The following AFAP1 variants were observed in gnomAD, a reference collection of about 807,000 sequenced individuals.
The protein encoded by AFAP1 is actin filament-associated protein 1.
Under a neutral mutation model 93.9 loss-of-function variants are expected in AFAP1, and 75 were observed. The ratio of observed to expected loss-of-function variants is 0.80; its 90% CI spans 0.66 to 0.97. AFAP1 has a LOEUF of 0.97. Among genes scored for constraint, AFAP1 ranks in the 50% least tolerant of loss-of-function variants. The pLI is 0.00. For synonymous variants in AFAP1, 517 were observed against 430.7 expected (o/e 1.20, Z -2.48); for missense variants, 1,201 against 1,050.8 (o/e 1.14, Z -1.98).
intron 1 of AFAP1, among the ~76,000 whole-genome samples, chr4:7,885,948 C>T (rs1336623350): frequency 6.6e-6 from 1 of 152,150 alleles, no homozygotes; most frequent in Admixed American, 6.5e-5. Context: ...GAGCATGGTC[C>T]TTGCATATTT....
At chr4:7,766,272 T>C (rs372849795) in intron 17 of AFAP1, among the ~76,000 whole-genome samples, 1 of 152,070 alleles carries the variant, frequency 6.6e-6, no homozygotes, top group Admixed American at 6.5e-5. Flanking sequence ...ATGTGGGCCG[T>C]TGTAAGCAGA....
At chr4:7,889,589 A>G (rs909968428) in intron 1 of AFAP1, among the ~76,000 whole-genome samples, 6 of 151,196 alleles carry the variant, frequency 4.0e-5, no homozygotes, top group Non-Finnish European at 8.8e-5. Context: ...TATAAAAACT[A>G]AAGTTTTTCA....
intron 17 of AFAP1, among the ~76,000 whole-genome samples, chr4:7,768,401 T>G (rs1382739188): frequency 6.6e-6 from 1 of 152,250 alleles, no homozygotes; most frequent in Non-Finnish European, 1.5e-5. Flanking sequence ...GCCCGATTCA[T>G]GCAGCTGGCG....
intron 6 of AFAP1, among the ~76,000 whole-genome samples, chr4:7,830,065 C>A (rs1191848301): frequency 6.6e-6 from 1 of 151,324 alleles, no homozygotes; most frequent in Non-Finnish European, 1.5e-5. Context: ...GTGCTCTATT[C>A]TCTAAATTGC....
At chr4:7,852,443 T>A (rs28485535) in intron 4 of AFAP1, among the ~76,000 whole-genome samples, 3 of 151,680 alleles carry the variant, frequency 2.0e-5, no homozygotes, top group African/African-American at 7.3e-5. Flanking sequence ...CGGACCCCAA[T>A]TGTGAGGAAG....
chr4:7,803,964 T>A (rs962832190), intron 9 of AFAP1, among the ~76,000 whole-genome samples: 104 of 152,100 alleles, frequency 6.8e-4, no homozygotes, highest in African/African-American at 2.5e-3. Context: ...TCCAGCCCCC[T>A]GCCACCATTT....
chr4:7,774,962 G>A lies in AFAP1; in HGVS notation c.1898-59C>T. 3.8e-6 allele frequency: 6 copies of A among 1,574,470 alleles called. No homozygotes were observed. The South Asian group carries it at 5.8e-5, about 15-fold the overall frequency. On this transcript the variant is annotated intron_variant, in intron 14 of 17. Transcript: ENST00000420658. ...AGGTTTACTAGCCTGGGAAATATGG[G>A]ACGATCCCTTCTCCACAAAAAATAC... is the stretch of plus-strand genomic sequence containing the variant.
chr4:7,842,416 C>T (rs1008976122), intron 5 of AFAP1, among the ~76,000 whole-genome samples: 2 of 151,642 alleles, frequency 1.3e-5, no homozygotes, highest in Admixed American at 6.6e-5. Flanking sequence ...CAATGATTCC[C>T]CCAAGGTTAA....
At chr4:7,832,083 G>C (rs1045454060) in intron 6 of AFAP1, among the ~76,000 whole-genome samples, 1 of 152,170 alleles carries the variant, frequency 6.6e-6, no homozygotes, top group African/African-American at 2.4e-5. Context: ...ACACACGCCT[G>C]CTTTGAGGTT....
In AFAP1 at chr4:7,768,989, C is replaced by A; in HGVS notation, c.2273G>T (p.Arg758Leu). 5 of 1,612,694 alleles carry A rather than the reference C, an allele frequency of 3.1e-6. No homozygotes were observed. Among genetic ancestry groups the A allele is most frequent in the Non-Finnish European group, 4.2e-6 (5 of 1,179,034 alleles). ...SSPQSPVFRH[R>L]TLENSPISSC... ...GGAGATGGGCGAGTTTTCCAGGGTC[C>A]GGTGCCGGAACACTGGAGACTTAAC... The change falls in exon 17 of 18, where the codon CGG becomes CTG. Residue 758 changes from arginine (R) to leucine (L), a missense_variant. Coordinates refer to ENST00000420658, the MANE Select transcript of AFAP1 (RefSeq NM_001134647.2).
In AFAP1 at chr4:7,848,099, A is replaced by AG. The variant is rs777540830; in HGVS notation, c.335-4750dup. On this transcript the variant is annotated intron_variant, in intron 4 of 17. Coordinates refer to ENST00000420658, the MANE Select transcript of AFAP1 (RefSeq NM_001134647.2). ...TGGACGGAAGGAGGGAGGGAAGGAA[A>AG]GAAGGAAGGAAGGAAGGAAGGAAGG... Among the ~76,000 whole-genome samples, 3 of 116,016 alleles carry AG rather than the reference A, an allele frequency of 2.6e-5. No homozygotes were observed. The East Asian group carries it at 1.0e-3, about 40-fold the overall frequency. 76.1% of individuals were successfully genotyped at this position (116,016 alleles called of 152,430 possible).
At chr4:7,880,140 G>C (rs1030957771) in intron 1 of AFAP1, among the ~76,000 whole-genome samples, 2 of 152,248 alleles carry the variant, frequency 1.3e-5, no homozygotes, top group South Asian at 4.1e-4. Context: ...CGGGCAGTGA[G>C]TTCATTTATT....
chr4:7,893,359 T>A (rs547029293), intron 1 of AFAP1, among the ~76,000 whole-genome samples: 24 of 152,246 alleles, frequency 1.6e-4, no homozygotes, highest in African/African-American at 5.8e-4. Context: ...GGCGGGCGGA[T>A]CACGACGTTA....
At chr4:7,936,780 A>C (rs1426394036) in intron 1 of AFAP1, among the ~76,000 whole-genome samples, 1 of 151,996 alleles carries the variant, frequency 6.6e-6, no homozygotes, top group Non-Finnish European at 1.5e-5. Context: ...ATAGGGTTTC[A>C]CCGTGTTAGC....
intron 1 of AFAP1, among the ~76,000 whole-genome samples, chr4:7,938,774 A>G (rs1315106163): frequency 2.0e-5 from 3 of 152,118 alleles, no homozygotes; most frequent in Admixed American, 6.5e-5. Context: ...GAAATCAAGA[A>G]GCTCCGGGCA....
chr4:7,887,155 G>T lies in AFAP1; in HGVS notation c.-2-15075C>A, dbSNP rs1326508344. The stretch of plus-strand genomic sequence containing the variant: ...ACTGGTGGAGTGGGAGACTGGAGTA[G>T]GAAGGGGCACACCAGTCAAGAGAGG... On this transcript the variant is annotated intron_variant, in intron 1 of 17. Transcript: ENST00000420658. Among the ~76,000 whole-genome samples, 5 of 152,168 alleles carry T rather than the reference G, an allele frequency of 3.3e-5. No homozygotes were observed. In the South Asian group the frequency reaches 8.3e-4, roughly 25 times the overall value.
chr4:7,882,835 G>A (rs752927813), intron 1 of AFAP1, among the ~76,000 whole-genome samples: 14 of 152,032 alleles, frequency 9.2e-5, no homozygotes, highest in Non-Finnish European at 1.6e-4. Context: ...CTCCAGCCTG[G>A]TGACAGAGCA....
In AFAP1 at chr4:7,807,641, C is replaced by T. The variant is rs958234538; in HGVS notation, c.1054+1973G>A. 8.4e-4 allele frequency among the ~76,000 whole-genome samples: 128 copies of T among 152,224 alleles called. 2 individuals are homozygous for T. The highest frequency in any genetic ancestry group is 2.4e-4 in the Non-Finnish European group (16 of 68,038). ...GATAGCCTTCCCTCCTAACTCAACC[C>T]CACAGGCAGCTGTTTCAACAGGACC... On this transcript the variant is annotated intron_variant, in intron 9 of 17. Coordinates refer to ENST00000420658, the MANE Select transcript of AFAP1 (RefSeq NM_001134647.2).
rs1037472929 is a variant in AFAP1, at chr4:7,936,304, ATTTTAT to A, written c.-3+3346_-3+3351del. On this transcript the variant is annotated intron_variant, in intron 1 of 17. Transcript: ENST00000420658. ...CAGATAAATTGGAAAGGAGCTTAAT[ATTTTAT>A]TTTTAAACTATTTATTTACCTTTTT... Among the ~76,000 whole-genome samples, 7 of 152,076 alleles carry A rather than the reference ATTTTAT, an allele frequency of 4.6e-5. No homozygotes were observed. In the South Asian group the frequency reaches 8.3e-4, roughly 18 times the overall value.
Sources: allele counts gnomAD v4.1 joint callset (sites outside exome capture counted in the v4.1 genomes callset), GRCh38; gene constraint gnomAD v4.1.1; transcripts MANE v1.5; gene names NCBI Gene and HGNC (gene_info 2026-07-23, HGNC 2026-07-21).